The following CTNNA3 variants were observed in gnomAD, a reference collection of about 807,000 sequenced individuals.
CTNNA3 encodes catenin alpha 3, also known as catenin alpha-3.
In CTNNA3, 76 loss-of-function variants were observed where a neutral mutation model predicts 95.7. The ratio of observed to expected loss-of-function variants is 0.79; its 90% confidence interval spans 0.66 to 0.96. The LOEUF (loss-of-function observed/expected upper bound fraction) is 0.96. Among genes scored for constraint, CTNNA3 ranks in the 40% least tolerant of loss-of-function variants. The pLI, the probability that CTNNA3 is intolerant of heterozygous loss-of-function variation, is 0.00. For missense variants in CTNNA3, 1,191 were observed against 1,089.8 expected (o/e 1.09, Z -1.31); for synonymous variants, 431 against 374.4 (o/e 1.15, Z -1.74).
intron 13 of CTNNA3, among the ~76,000 whole-genome samples, chr10:66,210,878 C>A (rs1391919650): frequency 1.3e-5 from 2 of 152,110 alleles, no homozygotes; most frequent in African/African-American, 4.8e-5. Context: ...GGGGCCTAGG[C>A]CACCTTGTAC....
At chr10:67,549,348 T>C (rs1481668310) in intron 3 of CTNNA3, among the ~76,000 whole-genome samples, 1 of 152,142 alleles carries the variant, frequency 6.6e-6, no homozygotes, top group African/African-American at 2.4e-5. Context: ...GTGTCGATCT[T>C]GTTCACCATG....
chr10:66,647,263 A>G (rs923666152), intron 9 of CTNNA3, among the ~76,000 whole-genome samples: 1 of 152,170 alleles, frequency 6.6e-6, no homozygotes, highest in Non-Finnish European at 1.5e-5. Flanking sequence ...TCCATCATTA[A>G]TTTATTATGA....
chr10:66,990,696 A>G (rs1012245204), intron 7 of CTNNA3, among the ~76,000 whole-genome samples: 1 of 152,214 alleles, frequency 6.6e-6, no homozygotes, highest in African/African-American at 2.4e-5. Flanking sequence ...GGATGTTTAT[A>G]GCAAAGTTAA....
intron 12 of CTNNA3, among the ~76,000 whole-genome samples, chr10:66,351,360 G>T (rs984809395): frequency 6.6e-6 from 1 of 152,012 alleles, no homozygotes; most frequent in African/African-American, 2.4e-5. Flanking sequence ...TGGGCTGAGA[G>T]AAGTTAAATA....
chr10:66,896,122 T>A (rs541387791), intron 7 of CTNNA3, among the ~76,000 whole-genome samples: 51 of 151,796 alleles, frequency 3.4e-4, no homozygotes, highest in African/African-American at 1.2e-3. Context: ...TAAAATAAAA[T>A]AAAATAGTTG....
chr10:66,814,290 C>G (rs1370384779), intron 7 of CTNNA3, among the ~76,000 whole-genome samples: 1 of 146,690 alleles, frequency 6.8e-6, no homozygotes, highest in Non-Finnish European at 1.5e-5. Context: ...AAAGAAACAT[C>G]AATTTTTGAG....
intron 1 of CTNNA3, among the ~76,000 whole-genome samples, chr10:67,741,335 T>G (rs371169010): frequency 3.7e-5 from 4 of 109,030 alleles, no homozygotes; most frequent in African/African-American, 1.0e-4. Context: ...AAATAAAAAA[T>G]AAAAAAAGAA....
intron 7 of CTNNA3, among the ~76,000 whole-genome samples, chr10:66,890,520 T>C (rs988506623): frequency 6.6e-6 from 1 of 151,922 alleles, no homozygotes; most frequent in East Asian, 1.9e-4. Context: ...TGGGGTAAGA[T>C]TAAGGCAAAG....
intron 7 of CTNNA3, among the ~76,000 whole-genome samples, chr10:67,106,171 T>C (rs1045390140): frequency 6.6e-6 from 1 of 152,180 alleles, no homozygotes; most frequent in Non-Finnish European, 1.5e-5. Context: ...ACATGACACA[T>C]TGGTACTACC....
chr10:67,100,938 G>C (rs1209407901), intron 7 of CTNNA3, among the ~76,000 whole-genome samples: 2 of 151,576 alleles, frequency 1.3e-5, no homozygotes, highest in East Asian at 3.9e-4. Context: ...AACTTCCAGA[G>C]ATAATGGATA....
chr10:67,299,483 C>A (rs984095732), intron 5 of CTNNA3, among the ~76,000 whole-genome samples: 1 of 152,148 alleles, frequency 6.6e-6, no homozygotes, highest in Admixed American at 6.5e-5. Context: ...AAGCCAGAAT[C>A]GAATAACTCA....
chr10:67,282,348 T>C (rs1839433397), intron 5 of CTNNA3, among the ~76,000 whole-genome samples: 1 of 152,178 alleles, frequency 6.6e-6, no homozygotes, highest in Admixed American at 6.5e-5. Flanking sequence ...TCATGATGAA[T>C]GTTTTCCTGT....
intron 7 of CTNNA3, among the ~76,000 whole-genome samples, chr10:67,029,457 C>T (rs1853586586): frequency 6.6e-6 from 1 of 152,138 alleles, no homozygotes; most frequent in African/African-American, 2.4e-5. Context: ...GGTTTAGTTA[C>T]TGTCTTAGGA....
chr10:66,851,633 T>TACACACACACACACACAC (rs35986426), intron 7 of CTNNA3, among the ~76,000 whole-genome samples: 2 of 144,380 alleles, frequency 1.4e-5, no homozygotes, highest in Admixed American at 7.0e-5. Context: ...TTCTCTCACA[T>TACACACACACACACACAC]ACACACACAC....
chr10:66,477,647 G>C (rs1839374086), intron 11 of CTNNA3, among the ~76,000 whole-genome samples: 1 of 151,458 alleles, frequency 6.6e-6, no homozygotes, highest in South Asian at 2.1e-4. Context: ...TTGATGGAGG[G>C]GAAGGTATAG....
At chr10:67,550,689 AT>A (rs1296812269) in intron 3 of CTNNA3, among the ~76,000 whole-genome samples, 1 of 145,102 alleles carries the variant, frequency 6.9e-6, no homozygotes, top group Non-Finnish European at 1.5e-5. Context: ...GAATAAAGAA[AT>A]TTCTTTATTC....
At chr10:66,990,347 C>T (rs1323391843) in intron 7 of CTNNA3, among the ~76,000 whole-genome samples, 1 of 152,156 alleles carries the variant, frequency 6.6e-6, no homozygotes, top group Non-Finnish European at 1.5e-5. Flanking sequence ...AGTTCTTCTC[C>T]TCTATGCTGA....
intron 7 of CTNNA3, among the ~76,000 whole-genome samples, chr10:67,111,942 T>G (rs1006648065): frequency 6.6e-6 from 1 of 152,094 alleles, no homozygotes; most frequent in African/African-American, 2.4e-5. Flanking sequence ...AAAGTACCAA[T>G]TAGTAACAAA....
intron 4 of CTNNA3, among the ~76,000 whole-genome samples, chr10:67,536,193 T>A (rs990820257): frequency 3.9e-5 from 6 of 152,072 alleles, no homozygotes; most frequent in Non-Finnish European, 8.8e-5. Context: ...AGTCAAAAAA[T>A]TTTTAGCCTA....
Sources: allele counts gnomAD v4.1 joint callset (sites outside exome capture counted in the v4.1 genomes callset), GRCh38; gene constraint gnomAD v4.1.1; transcripts MANE v1.5; gene names NCBI Gene and HGNC (gene_info 2026-07-23, HGNC 2026-07-21).